RNF216: variants seen among roughly 807,000 people sequenced by gnomAD.
RNF216 encodes the protein ring finger protein 216, also known as E3 ubiquitin-protein ligase RNF216.
A neutral mutation model predicts 110.8 loss-of-function variants in RNF216; 72 were observed. The observed-to-expected ratio is 0.65, with a 90% CI of 0.54 to 0.79. The LOEUF is 0.79. Among genes scored for constraint, RNF216 ranks in the 30% least tolerant of loss-of-function variants. The pLI, the probability that RNF216 is intolerant of heterozygous loss-of-function variation, is 0.00. For missense variants in RNF216, 1,342 were observed against 1,141.2 expected (o/e 1.18, Z -2.54); for synonymous variants, 495 against 407.5 (o/e 1.21, Z -2.59).
chr7:5,698,542 AC>A, intron 13 of RNF216, among the ~76,000 whole-genome samples: 2 of 152,190 alleles, frequency 1.3e-5, no homozygotes, highest in Middle Eastern at 6.8e-3. Context: ...GATGCACAGC[AC>A]CCATGCCTTA....
At chr7:5,677,263 G>T (rs1584433046) in intron 13 of RNF216, among the ~76,000 whole-genome samples, 1 of 152,318 alleles carries the variant, frequency 6.6e-6, no homozygotes, top group Non-Finnish European at 1.5e-5. Flanking sequence ...GCTATCTGCT[G>T]TTGTCTTTTG....
In RNF216 at chr7:5,652,505, G is replaced by T; in HGVS notation, c.2067C>A (p.Thr689=). 1 of 1,610,504 alleles carries T rather than the reference G, an allele frequency of 6.2e-7. No individual in the cohort carries two copies. The highest frequency in any genetic ancestry group is 8.5e-7 in the Non-Finnish European group (1 of 1,176,716). Residue 689 remains threonine, a synonymous_variant, in exon 14 of 17, where the codon ACC becomes ACA. Coordinates refer to ENST00000389902, the MANE Select transcript of RNF216 (RefSeq NM_207111.4). ...TCCAGAGTCCCTGACACTTCCTACA[G>T]GTTTCCTGGGGATAAAGGACAGACA... ...SCPNPHCRKE[T]CRKCQGLWKE...
rs374263582 is a variant in RNF216 at position 5,752,995 on chromosome 7, G to C, written c.68-16C>G. 1.2e-5 allele frequency: 19 copies of C among 1,601,428 alleles called. No homozygotes were observed. The highest frequency in any genetic ancestry group is 2.3e-5 in the South Asian group (2 of 87,672). On this transcript the variant is annotated splice_polypyrimidine_tract_variant and intron_variant, in intron 2 of 16. Coordinates refer to ENST00000389902, the MANE Select transcript of RNF216 (RefSeq NM_207111.4). ...TTGATCCACTCTACAGGAAAGCAGA[G>C]AACACTGTTACTGGGAGGTTGGCAC... is the stretch of plus-strand genomic sequence containing the variant.
intron 13 of RNF216, among the ~76,000 whole-genome samples, chr7:5,697,176 A>C (rs961091501): frequency 1.3e-5 from 2 of 151,348 alleles, no homozygotes; most frequent in Non-Finnish European, 2.9e-5. Context: ...GCCTGGAGTA[A>C]AGTTCTCCCC....
At chr7:5,703,032 A>T (rs1584478696) in intron 13 of RNF216, among the ~76,000 whole-genome samples, 2 of 152,308 alleles carry the variant, frequency 1.3e-5, no homozygotes, top group East Asian at 3.9e-4. Flanking sequence ...GAAGCTCTTC[A>T]GAGGGACCCA....
At chr7:5,746,423 T>C (rs531200619) in intron 3 of RNF216, among the ~76,000 whole-genome samples, 3 of 152,292 alleles carry the variant, frequency 2.0e-5, no homozygotes, top group Admixed American at 6.5e-5. Flanking sequence ...TGCAACTCCA[T>C]TTGCTGCTAG....
At chr7:5,774,785 T>C (rs943806874) in intron 1 of RNF216, among the ~76,000 whole-genome samples, 1 of 151,924 alleles carries the variant, frequency 6.6e-6, no homozygotes, top group Non-Finnish European at 1.5e-5. Context: ...TGAGACGAAG[T>C]TTTGCTCTTG....
At chr7:5,713,698 T>C (rs924592000) in intron 11 of RNF216, among the ~76,000 whole-genome samples, 16 of 152,144 alleles carry the variant, frequency 1.1e-4, no homozygotes, top group Non-Finnish European at 2.9e-5. Flanking sequence ...GTGTCAGACA[T>C]GAGGAATGCT....
intron 5 of RNF216, among the ~76,000 whole-genome samples, chr7:5,734,910 G>A (rs1333896138): frequency 6.6e-6 from 1 of 151,668 alleles, no homozygotes; most frequent in Non-Finnish European, 1.5e-5. Context: ...CAGCACTTTG[G>A]GAGGCTGAGA....
At chr7:5,688,455 A>G (rs1476737347) in intron 13 of RNF216, among the ~76,000 whole-genome samples, 2 of 152,142 alleles carry the variant, frequency 1.3e-5, no homozygotes, top group East Asian at 3.9e-4. Context: ...ACTAGTGAAA[A>G]GAAGAACACA....
chr7:5,643,348 A>C (rs1049954487), intron 14 of RNF216, among the ~76,000 whole-genome samples: 7 of 151,276 alleles, frequency 4.6e-5, no homozygotes, highest in African/African-American at 1.7e-4. Flanking sequence ...TGATTCCTTC[A>C]GAGGAAAGGT....
chr7:5,628,807 G>A (rs540875787), intron 15 of RNF216, among the ~76,000 whole-genome samples: 1 of 152,144 alleles, frequency 6.6e-6, no homozygotes, highest in East Asian at 1.9e-4. Flanking sequence ...ACAGGCATGA[G>A]CCATCACACC....
intron 3 of RNF216, among the ~76,000 whole-genome samples, chr7:5,751,489 A>T (rs888051611): frequency 3.9e-5 from 6 of 152,080 alleles, no homozygotes; most frequent in African/African-American, 1.5e-4. Context: ...CTTCCTAGAA[A>T]TTGAAAGAAA....
intron 1 of RNF216, among the ~76,000 whole-genome samples, chr7:5,776,366 G>A (rs1255642120): frequency 3.3e-5 from 5 of 151,442 alleles, no homozygotes; most frequent in Non-Finnish European, 7.4e-5. Flanking sequence ...GGCGGATCAC[G>A]AGGTCAGGAG....
chr7:5,746,856 G>C (rs1370129429), intron 3 of RNF216, among the ~76,000 whole-genome samples: 2 of 152,154 alleles, frequency 1.3e-5, no homozygotes, highest in Admixed American at 1.3e-4. Context: ...GTTCATCCAA[G>C]AAATTCACTT....
At chr7:5,679,218 G>A (rs1248941111) in intron 13 of RNF216, among the ~76,000 whole-genome samples, 1 of 152,014 alleles carries the variant, frequency 6.6e-6, no homozygotes, top group Admixed American at 6.5e-5. Context: ...TGGCGGGGGG[G>A]CGGTGCACAC....
chr7:5,764,983 T>C (rs553917592), intron 1 of RNF216, among the ~76,000 whole-genome samples: 4 of 151,522 alleles, frequency 2.6e-5, no homozygotes, highest in African/African-American at 4.8e-5. Flanking sequence ...GGCTAGAGGA[T>C]TGCTTGAGCC....
chr7:5,736,241 C>T (rs1336669537), intron 5 of RNF216, among the ~76,000 whole-genome samples: 1 of 152,214 alleles, frequency 6.6e-6, no homozygotes, highest in Non-Finnish European at 1.5e-5. Flanking sequence ...CCTCAGCCTG[C>T]CGAGTGCCTG....
intron 10 of RNF216, among the ~76,000 whole-genome samples, chr7:5,716,125 C>G (rs1305727257): frequency 6.6e-6 from 1 of 152,124 alleles, no homozygotes; most frequent in African/African-American, 2.4e-5. Flanking sequence ...CTCCTGGGCT[C>G]AAGCAATCCT....
Sources: allele counts gnomAD v4.1 joint callset (sites outside exome capture counted in the v4.1 genomes callset), GRCh38; gene constraint gnomAD v4.1.1; transcripts MANE v1.5; gene names NCBI Gene and HGNC (gene_info 2026-07-23, HGNC 2026-07-21).